ROR1: variants seen among roughly 807,000 people sequenced by gnomAD.
The protein encoded by ROR1 is inactive tyrosine-protein kinase transmembrane receptor ROR1.
In ROR1, 19 loss-of-function variants were observed where a neutral mutation model predicts 78.8. The ratio of observed to expected loss-of-function variants is 0.24; its 90% CI spans 0.17 to 0.35. ROR1 has a LOEUF of 0.35. ROR1 is among the 10% of genes least tolerant of loss of function. The probability of loss-of-function intolerance (pLI) is 1.00; values close to 1 mark genes in which losing one functional copy is unlikely to be tolerated. For missense variants in ROR1, 917 were observed against 1,177.8 expected, an observed-to-expected ratio of 0.78 and a Z score of 3.24; for synonymous variants, 386 against 433.6, an observed-to-expected ratio of 0.89 and a Z score of 1.36.
intron 1 of ROR1, among the ~76,000 whole-genome samples, chr1:63,819,927 G>C (rs572929300): frequency 7.2e-5 from 11 of 152,176 alleles, no homozygotes; most frequent in Non-Finnish European, 1.3e-4. Flanking sequence ...GGTACACCTT[G>C]AAACCTGAGT....
chr1:63,903,118 G>T (rs1645499239), intron 1 of ROR1, among the ~76,000 whole-genome samples: 1 of 152,148 alleles, frequency 6.6e-6, no homozygotes, highest in Non-Finnish European at 1.5e-5. Context: ...TGAGCACATT[G>T]TTGCCCCCAA....
At chr1:64,093,909 A>G (rs969898565) in intron 4 of ROR1, among the ~76,000 whole-genome samples, 1 of 152,196 alleles carries the variant, frequency 6.6e-6, no homozygotes, top group Non-Finnish European at 1.5e-5. Context: ...TCTCAAAGCA[A>G]CTTTACAAGG....
chr1:64,108,748 A>T (rs1480585168), intron 4 of ROR1, among the ~76,000 whole-genome samples: 1 of 152,206 alleles, frequency 6.6e-6, no homozygotes, highest in Non-Finnish European at 1.5e-5. Flanking sequence ...CAGAGAGATG[A>T]AGTCTCAAAG....
rs181741499 is a variant in ROR1 at position 63,935,525 on chromosome 1, C to A, written c.92-73780C>A. ...ACCCCAAAAAGTTATTAAAACACAA[C>A]CTCCCTCTAATCATTTACCACATGG... On this transcript the variant is annotated intron_variant, in intron 1 of 8. Transcript: ENST00000371079. Among the ~76,000 whole-genome samples, 110 of 152,280 alleles carry A rather than the reference C, an allele frequency of 7.2e-4. 1 individual carries two copies. Among genetic ancestry groups the A allele is most frequent in the Non-Finnish European group, 1.3e-3 (90 of 68,020 alleles).
chr1:63,956,803 T>C (rs1009965527), intron 1 of ROR1, among the ~76,000 whole-genome samples: 5 of 152,206 alleles, frequency 3.3e-5, no homozygotes, highest in Admixed American at 1.3e-4. Flanking sequence ...CTCCCACTTT[T>C]CCCCTAATTC....
chr1:64,133,231 C>T (rs995793647), intron 4 of ROR1, among the ~76,000 whole-genome samples: 3 of 152,110 alleles, frequency 2.0e-5, no homozygotes, highest in Non-Finnish European at 4.4e-5. Flanking sequence ...ATGTCCGCAT[C>T]GAAGTGCATC....
intron 1 of ROR1, among the ~76,000 whole-genome samples, chr1:63,957,482 AC>A (rs1403737475): frequency 6.6e-6 from 1 of 152,166 alleles, no homozygotes; most frequent in Non-Finnish European, 1.5e-5. Flanking sequence ...TGCCCCAACA[AC>A]AGAGGATGAG....
intron 1 of ROR1, among the ~76,000 whole-genome samples, chr1:63,847,452 C>T (rs570609793): frequency 6.6e-6 from 1 of 152,104 alleles, no homozygotes; most frequent in South Asian, 2.1e-4. Flanking sequence ...AATAAAGCCC[C>T]TTGGACAAGG....
chr1:63,862,391 C>CAAAAAAAA (rs1164915396), intron 1 of ROR1, among the ~76,000 whole-genome samples: 1 of 56,802 alleles, frequency 1.8e-5, no homozygotes. Flanking sequence ...GAGACTGTCT[C>CAAAAAAAA]AAAAAAAAAA....
Position 64,056,086 on chromosome 1 carries a change from G to A in ROR1, c.482+5370G>A, listed in dbSNP as rs76508408. 3.3e-3 allele frequency among the ~76,000 whole-genome samples: 507 copies of A among 152,220 alleles called. 3 individuals carry two copies. The highest frequency in any genetic ancestry group is 4.8e-3 in the Non-Finnish European group (324 of 68,004). On this transcript the variant is annotated intron_variant, in intron 4 of 8. Transcript: ENST00000371079. ...TTCGTTTATCCATTTTTCTGTTGATGGACATTTGGGTTGCTTCTACTTTTT... is the reference window on the plus strand; with the variant it reads ...TTCGTTTATCCATTTTTCTGTTGATAGACATTTGGGTTGCTTCTACTTTTT...
At chr1:63,852,719 G>A (rs1340195336) in intron 1 of ROR1, among the ~76,000 whole-genome samples, 2 of 152,242 alleles carry the variant, frequency 1.3e-5, no homozygotes, top group Non-Finnish European at 2.9e-5. Context: ...CACTGGGAGA[G>A]TGTAGTTGTT....
intron 1 of ROR1, among the ~76,000 whole-genome samples, chr1:63,939,533 A>G (rs1233654665): frequency 6.6e-6 from 1 of 152,194 alleles, no homozygotes; most frequent in Non-Finnish European, 1.5e-5. Context: ...ATCAAAAACA[A>G]TGTTATTCAC....
intron 4 of ROR1, among the ~76,000 whole-genome samples, chr1:64,063,665 T>C (rs1323745935): frequency 6.6e-6 from 1 of 151,836 alleles, no homozygotes; most frequent in African/African-American, 2.4e-5. Context: ...ACAAACACAC[T>C]CATTCACACA....
intron 1 of ROR1, among the ~76,000 whole-genome samples, chr1:63,997,678 T>C (rs1204196582): frequency 4.9e-5 from 3 of 61,782 alleles, no homozygotes; most frequent in Non-Finnish European, 8.3e-5. Context: ...CTGCAGGTTA[T>C]GTTAAGACTC....
intron 2 of ROR1, among the ~76,000 whole-genome samples, chr1:64,016,375 A>C (rs562992665): frequency 1.4e-4 from 21 of 152,330 alleles, no homozygotes; most frequent in African/African-American, 5.1e-4. Flanking sequence ...TAATTTTTAC[A>C]TTGATTACAT....
intron 1 of ROR1, among the ~76,000 whole-genome samples, chr1:63,805,971 A>C (rs577251721): frequency 1.3e-5 from 2 of 152,184 alleles, no homozygotes; most frequent in Admixed American, 1.3e-4. Context: ...GCCCAATATG[A>C]TTGCATGACT....
intron 1 of ROR1, among the ~76,000 whole-genome samples, chr1:63,881,958 A>G (rs995682807): frequency 6.6e-6 from 1 of 152,112 alleles, no homozygotes; most frequent in African/African-American, 2.4e-5. Flanking sequence ...CATTTTCTGT[A>G]CCTAGTCTTC....
intron 1 of ROR1, among the ~76,000 whole-genome samples, chr1:63,807,730 G>C (rs532061903): frequency 2.6e-5 from 4 of 152,304 alleles, no homozygotes; most frequent in African/African-American, 9.6e-5. Context: ...TTACTGTTCA[G>C]TACCAGGTGC....
intron 1 of ROR1, among the ~76,000 whole-genome samples, chr1:63,819,446 T>A (rs530867392): frequency 6.6e-6 from 1 of 152,298 alleles, no homozygotes; most frequent in South Asian, 2.1e-4. Flanking sequence ...TTGAGTGTGA[T>A]CTTGAGCAAG....
Sources: allele counts gnomAD v4.1 joint callset (sites outside exome capture counted in the v4.1 genomes callset), GRCh38; gene constraint gnomAD v4.1.1; transcripts MANE v1.5; gene names NCBI Gene and HGNC (gene_info 2026-07-23, HGNC 2026-07-21).